Variants in ADAM12 observed in about 807,000 individuals in gnomAD.
ADAM12 encodes ADAM metallopeptidase domain 12, also known as disintegrin and metalloproteinase domain-containing protein 12.
A neutral mutation model predicts 106.4 loss-of-function variants in ADAM12; 70 were observed. That is an observed-to-expected ratio of 0.66 (90% CI 0.54 to 0.80). ADAM12 has a LOEUF of 0.80. Among genes scored for constraint, ADAM12 ranks in the 30% least tolerant of loss-of-function variants. ADAM12 has a pLI of 0.00. For synonymous variants in ADAM12, 420 were observed against 433.5 expected (o/e 0.97, Z 0.39); for missense variants, 1,010 against 1,171.9 (o/e 0.86, Z 2.02).
At chr10:126,297,359 A>G (rs1960427082) in intron 2 of ADAM12, among the ~76,000 whole-genome samples, 1 of 152,208 alleles carries the variant, frequency 6.6e-6, no homozygotes, top group South Asian at 2.1e-4. Flanking sequence ...CCTGGGCAAC[A>G]TAGCAAAAAC....
intron 11 of ADAM12, chr10:126,090,998 A>G (rs1402044407): frequency 1.3e-5 from 2 of 152,214 alleles, no homozygotes; most frequent in Non-Finnish European, 2.9e-5. Context: ...CCAAGCCTCC[A>G]TCAGTGGTGG....
At chr10:126,279,133 T>C in intron 2 of ADAM12, 145 bp from the exon 3 acceptor site, 2 of 630,852 alleles carry the variant, frequency 3.2e-6, no homozygotes, top group Non-Finnish European at 5.5e-6. Flanking sequence ...CAATGCAGTG[T>C]ATAAATGAAG....
intron 2 of ADAM12, among the ~76,000 whole-genome samples, chr10:126,311,040 C>G (rs1023513156): frequency 6.6e-6 from 1 of 151,684 alleles, no homozygotes; most frequent in Non-Finnish European, 1.5e-5. Context: ...TACTAAATCT[C>G]CTGCCCACCT....
At chr10:126,174,814 T>G (rs1027497629) in intron 3 of ADAM12, among the ~76,000 whole-genome samples, 10 of 151,106 alleles carry the variant, frequency 6.6e-5, no homozygotes, top group Non-Finnish European at 1.0e-4. Flanking sequence ...GTGCAGTGGC[T>G]TGATCTCGGC....
chr10:126,298,589 G>A (rs1223462940), intron 2 of ADAM12, among the ~76,000 whole-genome samples: 1 of 152,044 alleles, frequency 6.6e-6, no homozygotes, highest in Admixed American at 6.6e-5. Context: ...GGAGGTAAGA[G>A]AAAACCTCAG....
chr10:126,034,223 G>A (rs909566382), intron 21 of ADAM12, among the ~76,000 whole-genome samples: 4 of 152,140 alleles, frequency 2.6e-5, no homozygotes, highest in African/African-American at 9.7e-5. Flanking sequence ...TTCAATCAAG[G>A]GAGGTTATGC....
intron 2 of ADAM12, among the ~76,000 whole-genome samples, chr10:126,326,820 C>T (rs1006920241): frequency 1.3e-5 from 2 of 152,194 alleles, no homozygotes; most frequent in African/African-American, 4.8e-5. Flanking sequence ...CAGAACTCCA[C>T]ATGGCAGGCT....
intron 3 of ADAM12, among the ~76,000 whole-genome samples, chr10:126,156,965 C>T (rs1349355765): frequency 6.6e-6 from 1 of 152,024 alleles, no homozygotes; most frequent in Non-Finnish European, 1.5e-5. Flanking sequence ...GTGCTGCCTG[C>T]CCTTTCCTGT....
chr10:126,201,612 C>T (rs1245740222), intron 3 of ADAM12, among the ~76,000 whole-genome samples: 2 of 152,088 alleles, frequency 1.3e-5, no homozygotes, highest in South Asian at 2.1e-4. Flanking sequence ...GTTTGTGGTG[C>T]TTCATTACAG....
chr10:126,039,974 C>T (rs1371587642), intron 18 of ADAM12, among the ~76,000 whole-genome samples: 1 of 152,232 alleles, frequency 6.6e-6, no homozygotes, highest in African/African-American at 2.4e-5. Flanking sequence ...TTAAATGAAA[C>T]ACCCATGGGT....
At chr10:126,274,137 T>G (rs1476344917) in intron 3 of ADAM12, among the ~76,000 whole-genome samples, 14 of 152,186 alleles carry the variant, frequency 9.2e-5, no homozygotes, top group Non-Finnish European at 5.9e-5. Flanking sequence ...TGCTCATCGA[T>G]GCCTATGATG....
chr10:126,303,269 C>T (rs997340804), intron 2 of ADAM12, among the ~76,000 whole-genome samples: 1 of 152,198 alleles, frequency 6.6e-6, no homozygotes, highest in Non-Finnish European at 1.5e-5. Context: ...ATGTATATCA[C>T]CAATGTAACA....
chr10:126,133,012 T>C (rs1390835276), intron 5 of ADAM12, among the ~76,000 whole-genome samples: 1 of 152,128 alleles, frequency 6.6e-6, no homozygotes, highest in Non-Finnish European at 1.5e-5. Flanking sequence ...CCCTTTCCAC[T>C]GTGCTCTTGG....
intron 21 of ADAM12, among the ~76,000 whole-genome samples, chr10:126,034,694 G>A (rs949202188): frequency 6.6e-6 from 1 of 152,110 alleles, no homozygotes; most frequent in Non-Finnish European, 1.5e-5. Context: ...CCATAGGTAT[G>A]TTAAAAGGAT....
At chr10:126,166,491 C>CTTTT (rs1341763485) in intron 3 of ADAM12, among the ~76,000 whole-genome samples, 2 of 125,380 alleles carry the variant, frequency 1.6e-5, no homozygotes, top group Non-Finnish European at 3.7e-5. Flanking sequence ...AGGCAGGTTT[C>CTTTT]TTTTTTTTTG....
chr10:126,120,902 T>A (rs1956072419), intron 5 of ADAM12, among the ~76,000 whole-genome samples: 1 of 140,330 alleles, frequency 7.1e-6, no homozygotes, highest in South Asian at 2.1e-4. Flanking sequence ...TAATATATAT[T>A]ATATAATATA....
At chr10:126,348,178 C>A (rs1212584004) in intron 1 of ADAM12, among the ~76,000 whole-genome samples, 4 of 152,302 alleles carry the variant, frequency 2.6e-5, no homozygotes, top group African/African-American at 9.6e-5. Flanking sequence ...ATGTCAGTAG[C>A]CTGGAGGCTC....
chr10:126,063,290 C>A (rs1322823733), intron 14 of ADAM12, among the ~76,000 whole-genome samples: 1 of 152,202 alleles, frequency 6.6e-6, no homozygotes, highest in Non-Finnish European at 1.5e-5. Context: ...TTTCTTTTCC[C>A]CCCCAGAAAG....
At chr10:126,346,609 G>A (rs1053612919) in intron 1 of ADAM12, among the ~76,000 whole-genome samples, 5 of 152,130 alleles carry the variant, frequency 3.3e-5, no homozygotes, top group Admixed American at 6.5e-5. Context: ...TCTGTCTAAC[G>A]TTGACAGTGG....
Sources: gnomAD v4.1 joint callset for allele counts (sites outside exome capture counted in the v4.1 genomes callset) on GRCh38, gnomAD v4.1.1 for gene constraint, MANE v1.5 for transcripts, NCBI Gene and HGNC (gene_info 2026-07-23, HGNC 2026-07-21) for gene names.